PDE3B: variants seen among roughly 807,000 people sequenced by gnomAD.
PDE3B encodes cGMP-inhibited 3',5'-cyclic phosphodiesterase 3B.
Under a neutral mutation model 116.8 loss-of-function variants are expected in PDE3B, and 66 were observed. The observed-to-expected ratio is 0.56, with a 90% CI of 0.46 to 0.69. The LOEUF (loss-of-function observed/expected upper bound fraction) is 0.69. PDE3B is among the 30% of genes least tolerant of loss of function. The pLI, the probability that PDE3B is intolerant of heterozygous loss-of-function variation, is 0.00. For missense variants in PDE3B, 1,384 were observed against 1,368.1 expected (o/e 1.01, Z -0.18); for synonymous variants, 595 against 533.6 (o/e 1.12, Z -1.59).
At chr11:14,790,153 C>G (rs1858338888) in intron 4 of PDE3B, among the ~76,000 whole-genome samples, 1 of 151,794 alleles carries the variant, frequency 6.6e-6, no homozygotes, top group Non-Finnish European at 1.5e-5. Context: ...TTTCTAGATT[C>G]TTAGGTGGTT....
intron 12 of PDE3B, among the ~76,000 whole-genome samples, chr11:14,848,166 A>T (rs1179405275): frequency 7.1e-6 from 1 of 140,184 alleles, no homozygotes; most frequent in African/African-American, 2.7e-5. Flanking sequence ...CATCCCTGGG[A>T]TGCAAGGCTG....
At chr11:14,678,830 A>G (rs1252962508) in intron 1 of PDE3B, among the ~76,000 whole-genome samples, 1 of 152,280 alleles carries the variant, frequency 6.6e-6, no homozygotes, top group East Asian at 1.9e-4. Context: ...CTTTTTAACC[A>G]CAGGACATGT....
At chr11:14,710,552 A>G (rs1163887836) in intron 1 of PDE3B, among the ~76,000 whole-genome samples, 1 of 152,224 alleles carries the variant, frequency 6.6e-6, no homozygotes, top group Non-Finnish European at 1.5e-5. Context: ...GAATGGGGGA[A>G]GAAAACCTCT....
At chr11:14,849,191 C>T (rs1183927331) in intron 12 of PDE3B, among the ~76,000 whole-genome samples, 2 of 152,082 alleles carry the variant, frequency 1.3e-5, no homozygotes, top group African/African-American at 4.8e-5. Context: ...TGCATATCTA[C>T]AACTATCTGA....
chr11:14,665,909 C>G (rs1278541603), intron 1 of PDE3B, among the ~76,000 whole-genome samples: 4 of 152,154 alleles, frequency 2.6e-5, no homozygotes, highest in Admixed American at 6.5e-5. Flanking sequence ...CAATGACTTT[C>G]TTCACAGAAT....
At chr11:14,831,839 G>A in intron 9 of PDE3B, 62 bp downstream of exon 9, 2 of 1,232,108 alleles carry the variant, frequency 1.6e-6, no homozygotes, top group South Asian at 1.4e-5. Flanking sequence ...TTTATAAAAA[G>A]CAAAATCTAA....
At position 14,681,825 on chromosome 11, in the gene PDE3B, T is replaced by C. The variant is rs564606553; in HGVS notation, c.978+36772T>C. 2.5e-4 allele frequency among the ~76,000 whole-genome samples: 38 copies of C among 152,260 alleles called. No homozygotes were observed. The South Asian group carries it at 7.9e-3, about 32-fold the overall frequency. ...ATAGAGTTCTTGAGATTTTTCTATG[T>C]ACAGTTGACCCTTGAATAATGCAGC... On this transcript the variant is annotated intron_variant, in intron 1 of 15. Coordinates refer to ENST00000282096, the MANE Select transcript of PDE3B (RefSeq NM_000922.4).
chr11:14,645,940 A>C (rs771346519), intron 1 of PDE3B, among the ~76,000 whole-genome samples: 2 of 152,196 alleles, frequency 1.3e-5, no homozygotes, highest in African/African-American at 4.8e-5. Context: ...TCAGATCCTC[A>C]CAAGAACGGT....
At chr11:14,668,572 A>C (rs1209281261) in intron 1 of PDE3B, among the ~76,000 whole-genome samples, 1 of 152,182 alleles carries the variant, frequency 6.6e-6, no homozygotes, top group Non-Finnish European at 1.5e-5. Flanking sequence ...TGAAGCAAAG[A>C]GTCTAGTTTT....
intron 1 of PDE3B, among the ~76,000 whole-genome samples, chr11:14,652,871 G>A (rs756532037): frequency 6.6e-6 from 1 of 152,110 alleles, no homozygotes; most frequent in Non-Finnish European, 1.5e-5. Flanking sequence ...GCTTTTAGTA[G>A]CACTGGCATC....
At chr11:14,733,774 A>T (rs1856524356) in intron 1 of PDE3B, among the ~76,000 whole-genome samples, 1 of 152,204 alleles carries the variant, frequency 6.6e-6, no homozygotes, top group South Asian at 2.1e-4. Flanking sequence ...TTTAGCCAAT[A>T]AATAGAAGTT....
intron 1 of PDE3B, among the ~76,000 whole-genome samples, chr11:14,740,988 T>C (rs1011204358): frequency 3.3e-5 from 5 of 152,224 alleles, no homozygotes; most frequent in African/African-American, 1.2e-4. Flanking sequence ...ATTTCCATTC[T>C]TATTCATTTT....
the PDE3B span, chr11:14,879,465 A>T: frequency 6.4e-7 from 1 of 1,562,992 alleles, no homozygotes; most frequent in South Asian, 1.1e-5. Flanking sequence ...AAAGTATTCA[A>T]GTTATTATGC....
At chr11:14,777,074 C>T (rs1857809447) in intron 2 of PDE3B, among the ~76,000 whole-genome samples, 1 of 151,788 alleles carries the variant, frequency 6.6e-6, no homozygotes, top group Non-Finnish European at 1.5e-5. Context: ...AAAGAAGAAA[C>T]AAATGGAAAG....
chr11:14,660,845 G>A (rs1176041701), intron 1 of PDE3B, among the ~76,000 whole-genome samples: 3 of 152,104 alleles, frequency 2.0e-5, no homozygotes, highest in African/African-American at 7.2e-5. Flanking sequence ...TAAGCATCCT[G>A]AAGATAAGAA....
At position 14,806,267 on chromosome 11, in the gene PDE3B, C is replaced by T. The variant is rs1236632015; in HGVS notation, c.1522+2217C>T. On this transcript the variant is annotated intron_variant, in intron 5 of 15. Transcript: ENST00000282096. Reference sequence around the variant, plus strand: ...GGAGATCGAGACCATGGTGAAACCCCGTCTCTACTAAAAATACAAAAAAAA... The same window carrying T: ...GGAGATCGAGACCATGGTGAAACCCTGTCTCTACTAAAAATACAAAAAAAA... Among the ~76,000 whole-genome samples, 5 of 144,088 alleles carry T rather than the reference C, an allele frequency of 3.5e-5. No individual in the cohort carries two copies. In the Admixed American group the frequency reaches 3.5e-4, roughly 10 times the overall value. 94.5% of individuals were successfully genotyped at this position (144,088 alleles called of 152,430 possible). A position where few individuals can be genotyped will look rare whatever the true frequency, so the allele number is the denominator to read the frequency against.
chr11:14,872,972 T>C (rs1848158598), downstream of PDE3B, among the ~76,000 whole-genome samples: 1 of 152,106 alleles, frequency 6.6e-6, no homozygotes, highest in Non-Finnish European at 1.5e-5. Context: ...TTGGACTGAG[T>C]TCCTGCACCT....
chr11:14,745,989 A>G (rs1350630100), intron 1 of PDE3B, among the ~76,000 whole-genome samples: 1 of 152,200 alleles, frequency 6.6e-6, no homozygotes, highest in African/African-American at 2.4e-5. Flanking sequence ...TATGTTGTCC[A>G]GCTCTTCCCT....
chr11:14,851,405 A>T (rs1299530900), intron 12 of PDE3B, among the ~76,000 whole-genome samples: 1 of 151,112 alleles, frequency 6.6e-6, no homozygotes, highest in Admixed American at 6.6e-5. Flanking sequence ...CAACTTTTTT[A>T]AAAATAGGAG....
Sources: gnomAD v4.1 joint callset for allele counts (sites outside exome capture counted in the v4.1 genomes callset) on GRCh38, gnomAD v4.1.1 for gene constraint, MANE v1.5 for transcripts, NCBI Gene and HGNC (gene_info 2026-07-23, HGNC 2026-07-21) for gene names.